GEMIN8: variants seen among roughly 807,000 people sequenced by gnomAD.
GEMIN8 encodes gem-associated protein 8.
For missense variants in GEMIN8, 185 were observed against 205.9 expected (o/e 0.90, Z 0.62); for synonymous variants, 80 against 78.5 (o/e 1.02, Z -0.10).
the GEMIN8 span, among the ~76,000 whole-genome samples, chrX:13,998,013 T>C: frequency 9.1e-6 from 1 of 109,846 alleles, no homozygotes; most frequent in Non-Finnish European, 1.9e-5. Flanking sequence ...TTAACCTCTA[T>C]GAAGGAAAAT....
rs1192790148 is a variant in GEMIN8, at chrX:14,009,143, G to A, written c.499C>T (p.Arg167Cys). The A allele has an allele frequency of 5.0e-6, 6 of 1,210,867 alleles. No individual in the cohort carries two copies. Among genetic ancestry groups the A allele is most frequent in the Admixed American group, 2.2e-5 (1 of 46,071 alleles). Residue 167 changes from arginine (R) to cysteine (C), a missense_variant, in exon 5 of 5, where the codon CGC becomes TGC. Arg to Cys is a radical substitution (Grantham distance 180). Transcript: ENST00000680255. ...RRRQQQLDAE[R>C]LDSYVNADHD... ...TCAGCGTTCACATAGCTGTCCAGGC[G>A]CTCTGCATCCAGCTGCTGCTGCCGC...
In GEMIN8 at chrX:14,009,032, A is replaced by G; in HGVS notation, c.610T>C (p.Leu204=). The G allele has an allele frequency of 8.3e-7, 1 of 1,211,727 alleles. No individual in the cohort carries two copies. Among genetic ancestry groups the G allele is most frequent in the Non-Finnish European group, 1.1e-6 (1 of 895,402 alleles). The change falls in exon 5 of 5, where the codon TTG becomes CTG. Residue 204 remains leucine (L), a synonymous_variant. Coordinates refer to ENST00000680255, the MANE Select transcript of GEMIN8 (RefSeq NM_001042479.2). ...GERRQAEMKR[L]YGDSAAKIQA... The stretch of plus-strand genomic sequence containing the variant: ...ATCTTGGCAGCACTGTCCCCGTACA[A>G]ACGCTTCATCTCGGCCTGGCGCCGC...
chrX:14,020,079 T>C lies in GEMIN8; in HGVS notation c.471A>G (p.Arg157=). 2 of 1,155,750 alleles carry C rather than the reference T, an allele frequency of 1.7e-6. No individual in the cohort carries two copies. The highest frequency in any genetic ancestry group is 2.4e-6 in the Non-Finnish European group (2 of 848,998). Residue 157 remains arginine (R), a splice_region_variant and synonymous_variant, in exon 4 of 5, where the codon CGA becomes CGG. Coordinates refer to ENST00000680255, the MANE Select transcript of GEMIN8 (RefSeq NM_001042479.2). The part of the protein sequence containing the change: ...FAETERHREE[R]RRQQQLDAER... ...GAAGAGACAGAGGCCTGAACTTACGTCGTTCTTCTCTATGCCTCTCGGTCT... is the reference window on the plus strand; with the variant it reads ...GAAGAGACAGAGGCCTGAACTTACGCCGTTCTTCTCTATGCCTCTCGGTCT...
the GEMIN8 span, among the ~76,000 whole-genome samples, chrX:13,989,859 T>A: frequency 8.9e-6 from 1 of 112,762 alleles, no homozygotes; most frequent in Admixed American, 9.3e-5. Flanking sequence ...CACACACAGA[T>A]TTCAGAGACA....
intron 4 of GEMIN8, among the ~76,000 whole-genome samples, chrX:14,018,514 C>A (rs1924079606): frequency 8.9e-6 from 1 of 111,741 alleles, no homozygotes; most frequent in Non-Finnish European, 1.9e-5. Flanking sequence ...AACTCGATCT[C>A]CATCCCATTT....
intron 2 of GEMIN8, among the ~76,000 whole-genome samples, chrX:14,025,323 C>T (rs1193395162): frequency 5.6e-5 from 6 of 106,956 alleles, no homozygotes; most frequent in South Asian, 4.0e-4. Context: ...ATAGTCTTCA[C>T]GTTCTTTGCT....
At chrX:14,021,939 CAT>C (rs1342780061) in intron 2 of GEMIN8, among the ~76,000 whole-genome samples, 1 of 95,965 alleles carries the variant, frequency 1.0e-5, no homozygotes, top group Non-Finnish European at 2.0e-5. Context: ...TGTATACACA[CAT>C]ATATATGTAT....
Position 14,023,624 on chromosome X carries a change from G to A in GEMIN8, c.-33-2113C>T, listed in dbSNP as rs1322399844. On this transcript the variant is annotated intron_variant, in intron 2 of 4. Coordinates refer to ENST00000680255, the MANE Select transcript of GEMIN8 (RefSeq NM_001042479.2). Reference sequence around the variant, plus strand: ...AAACTCCTGACCTCATGATCCGCCCGCCTCGGCCTCCCAAAGTGCTGGGAT... The same window carrying A: ...AAACTCCTGACCTCATGATCCGCCCACCTCGGCCTCCCAAAGTGCTGGGAT... 3.6e-5 allele frequency among the ~76,000 whole-genome samples: 4 copies of A among 111,696 alleles called. No homozygotes were observed. In the East Asian group the frequency reaches 8.4e-4, roughly 24 times the overall value.
At chrX:14,009,501 T>C (rs977531057) in intron 4 of GEMIN8, among the ~76,000 whole-genome samples, 1 of 110,655 alleles carries the variant, frequency 9.0e-6, no homozygotes, top group Non-Finnish European at 1.9e-5. Context: ...GAGATTGCAG[T>C]GTACCACTAT....
Position 14,008,411 on chromosome X carries a change from G to A in GEMIN8, c.*502C>T, listed in dbSNP as rs760364655. ...TGACCGTGTGGCTTGCAGTGCCAAA[G>A]ATATTCACTCTCTGGCCCTTTATAG... On this transcript the variant is annotated 3_prime_UTR_variant, in exon 5 of 5. Transcript: ENST00000680255. The A allele has an allele frequency of 8.6e-6, 1 of 116,089 alleles. No individual in the cohort carries two copies. The highest frequency in any genetic ancestry group is 3.2e-5 in the African/African-American group (1 of 30,831). The allele number at this position is 116,089 out of a possible 1,213,427, so 9.6% of individuals were successfully genotyped here.
chrX:14,005,340 G>T (rs1222019435), downstream of GEMIN8, among the ~76,000 whole-genome samples: 9 of 111,379 alleles, frequency 8.1e-5, no homozygotes, highest in Non-Finnish European at 1.7e-4. Context: ...GGTCACTAAT[G>T]GCCAATGATT....
At chrX:14,003,394 A>G (rs1225475935), downstream of GEMIN8, among the ~76,000 whole-genome samples, 1 of 112,777 alleles carries the variant, frequency 8.9e-6, no homozygotes, top group Non-Finnish European at 1.9e-5. Flanking sequence ...TCTGTGCTTC[A>G]GTCTCCTCAT....
downstream of GEMIN8, among the ~76,000 whole-genome samples, chrX:14,002,689 A>G (rs771506149): frequency 9.0e-6 from 1 of 110,906 alleles, no homozygotes; most frequent in Non-Finnish European, 1.9e-5. Flanking sequence ...TTATTAGTAC[A>G]GACAGTTTTA....
chrX:13,998,817 T>A, the GEMIN8 span, among the ~76,000 whole-genome samples: 14 of 111,717 alleles, frequency 1.3e-4, no homozygotes, highest in African/African-American at 4.6e-4. Context: ...TATAAGGTGG[T>A]TAGGAGAATA....
chrX:14,017,653 T>C (rs755817046), intron 4 of GEMIN8, among the ~76,000 whole-genome samples: 1 of 112,138 alleles, frequency 8.9e-6, no homozygotes, highest in African/African-American at 3.2e-5. Flanking sequence ...GTTCCAGGCC[T>C]CTCCCACCTT....
At chrX:14,012,859 G>T (rs181344195) in intron 4 of GEMIN8, among the ~76,000 whole-genome samples, 2 of 109,452 alleles carry the variant, frequency 1.8e-5, no homozygotes, top group South Asian at 3.9e-4. Context: ...AGGGGCTATG[G>T]GGGGGGGCAC....
intron 4 of GEMIN8, chrX:14,014,359 G>C (rs1240370692): frequency 1.3e-5 from 10 of 749,538 alleles, no homozygotes; most frequent in Non-Finnish European, 1.6e-5. Flanking sequence ...AGCCATTTCA[G>C]ACTGGTCTTC....
the GEMIN8 span, among the ~76,000 whole-genome samples, chrX:13,986,428 A>C: frequency 8.9e-6 from 1 of 112,345 alleles, no homozygotes; most frequent in South Asian, 3.7e-4. Context: ...GGCAGTCCAG[A>C]GCTGGTGTGT....
the GEMIN8 span, among the ~76,000 whole-genome samples, chrX:13,994,923 G>C: frequency 1.8e-5 from 2 of 112,133 alleles, no homozygotes; most frequent in African/African-American, 3.2e-5. Context: ...AGTTTATTAC[G>C]AAGAATTGAC....
Sources: allele counts gnomAD v4.1 joint callset (sites outside exome capture counted in the v4.1 genomes callset), GRCh38; gene constraint gnomAD v4.1.1; transcripts MANE v1.5; gene names NCBI Gene and HGNC (gene_info 2026-07-23, HGNC 2026-07-21).